STK32A: variants seen among roughly 807,000 people sequenced by gnomAD.
STK32A encodes serine/threonine kinase 32A, also known as serine/threonine-protein kinase 32A.
In STK32A, 41 loss-of-function variants were observed where a neutral mutation model predicts 53.2. That is an observed-to-expected ratio of 0.77 (90% CI 0.60 to 1.00). The LOEUF (loss-of-function observed/expected upper bound fraction) is 1.00, where lower values mean the gene tolerates loss of function less well. Among genes scored for constraint, STK32A ranks in the 50% least tolerant of loss-of-function variants. The pLI is 0.00. For missense variants in STK32A, 458 were observed against 485.8 expected, an observed-to-expected ratio of 0.94 and a Z score of 0.54; for synonymous variants, 166 against 162.8, an observed-to-expected ratio of 1.02 and a Z score of -0.15.
intron 6 of STK32A, chr5:147,343,347 A>G (rs1755532767): frequency 2.0e-6 from 1 of 505,268 alleles, no homozygotes; most frequent in Non-Finnish European, 3.7e-6. Context: ...TGGCCTTAAT[A>G]TAACACGCAA....
Position 147,239,527 on chromosome 5 carries a change from T to C in STK32A, c.-96-12T>C, listed in dbSNP as rs1753473888. ...GCATATTATTAGGGTACTATTTCTT[T>C]TCCTATCCTAGATATCCAACTAAGG... On this transcript the variant is annotated splice_polypyrimidine_tract_variant and intron_variant, in intron 1 of 12. Transcript: ENST00000397936. 3.1e-5 allele frequency: 25 copies of C among 813,874 alleles called. No homozygotes were observed. The South Asian group carries it at 3.8e-4, about 12-fold the overall frequency. The allele number at this position is 813,874 out of a possible 1,614,324, so 50.4% of individuals were successfully genotyped here.
In STK32A at chr5:147,321,554, C is replaced by T. The variant is rs184541616; in HGVS notation, c.261-2344C>T. 5.3e-5 allele frequency among the ~76,000 whole-genome samples: 8 copies of T among 152,252 alleles called. No individual in the cohort carries two copies. The East Asian group carries it at 1.4e-3, about 26-fold the overall frequency. ...CCTCTTCTGTCTTTGATTAATAATC[C>T]CCTGCACATTCGAACACTGTTATTA... On this transcript the variant is annotated intron_variant, in intron 4 of 12. Coordinates refer to ENST00000397936, the MANE Select transcript of STK32A (RefSeq NM_001112724.2).
intron 4 of STK32A, among the ~76,000 whole-genome samples, chr5:147,281,944 G>A (rs1752083227): frequency 1.3e-5 from 2 of 152,126 alleles, no homozygotes; most frequent in African/African-American, 2.4e-5. Context: ...AGGGATTGGA[G>A]CCCTATCTCT....
At chr5:147,320,030 T>C (rs910552821) in intron 4 of STK32A, among the ~76,000 whole-genome samples, 3 of 144,978 alleles carry the variant, frequency 2.1e-5, no homozygotes, top group African/African-American at 5.1e-5. Context: ...AGACACAGTA[T>C]ATTCATAAAA....
intron 2 of STK32A, among the ~76,000 whole-genome samples, chr5:147,252,941 T>C (rs1342817628): frequency 6.6e-6 from 1 of 152,206 alleles, no homozygotes; most frequent in Non-Finnish European, 1.5e-5. Context: ...GATCTATTTT[T>C]AATCTGTGTA....
chr5:147,292,694 C>T (rs374124299), intron 4 of STK32A, among the ~76,000 whole-genome samples: 309 of 152,094 alleles, frequency 2.0e-3, no homozygotes, highest in African/African-American at 7.0e-3. Flanking sequence ...CATGGAGAAA[C>T]CCTCTAAAAA....
intron 8 of STK32A, among the ~76,000 whole-genome samples, chr5:147,367,254 T>C (rs534010966): frequency 6.6e-6 from 1 of 152,010 alleles, no homozygotes; most frequent in Non-Finnish European, 1.5e-5. Context: ...TTTGTAGAGT[T>C]GGGGTCTTAC....
chr5:147,376,829 A>T (rs57293424), intron 11 of STK32A, among the ~76,000 whole-genome samples: 3,109 of 152,114 alleles, frequency 0.02, 112 homozygotes, highest in African/African-American at 0.071. Flanking sequence ...GAATTATAGG[A>T]TGTTTTTTAC....
intron 2 of STK32A, among the ~76,000 whole-genome samples, chr5:147,271,888 G>T (rs1002302107): frequency 3.9e-5 from 6 of 152,120 alleles, no homozygotes; most frequent in African/African-American, 1.4e-4. Context: ...CTGTGATCTT[G>T]CCCTGCCTCC....
chr5:147,283,469 A>C lies in STK32A; in HGVS notation c.260+4071A>C, dbSNP rs528023594. The stretch of plus-strand genomic sequence containing the variant: ...CAAAGCAGAACTAAATGAAATTGAA[A>C]CAAAAAAAAAAAAAGAAAGATAAAT... On this transcript the variant is annotated intron_variant, in intron 4 of 12. Coordinates refer to ENST00000397936, the MANE Select transcript of STK32A (RefSeq NM_001112724.2). Among the ~76,000 whole-genome samples the C allele has an allele frequency of 8.2e-4, 64 of 78,002 alleles. 2 individuals carry two copies. The East Asian group carries it at 0.017, about 21-fold the overall frequency. 51.2% of individuals were successfully genotyped at this position (78,002 alleles called of 152,430 possible).
the STK32A span, among the ~76,000 whole-genome samples, chr5:147,396,760 A>G: frequency 3.9e-5 from 6 of 152,108 alleles, no homozygotes; most frequent in South Asian, 1.0e-3. Flanking sequence ...CTCCTTCTCT[A>G]TTAGGCCCAA....
chr5:147,330,490 C>CA (rs1444385383), intron 5 of STK32A, among the ~76,000 whole-genome samples: 1 of 152,200 alleles, frequency 6.6e-6, no homozygotes, highest in Non-Finnish European at 1.5e-5. Flanking sequence ...AGGGTGTGAA[C>CA]ACCAAAAGCT....
chr5:147,370,092 C>T (rs1756941624), intron 8 of STK32A, among the ~76,000 whole-genome samples: 1 of 152,012 alleles, frequency 6.6e-6, no homozygotes, highest in Non-Finnish European at 1.5e-5. Context: ...AAGCTTCTGC[C>T]TCATCACAAA....
chr5:147,363,007 G>A (rs1457832236), intron 8 of STK32A, among the ~76,000 whole-genome samples: 1 of 151,878 alleles, frequency 6.6e-6, no homozygotes, highest in Non-Finnish European at 1.5e-5. Context: ...AATCACTTGA[G>A]CCCAGGAGGT....
At chr5:147,401,830 T>C in the STK32A span, 1 of 1,019,246 alleles carries the variant, frequency 9.8e-7, no homozygotes, top group Non-Finnish European at 1.4e-6. Context: ...CAAGTCCATG[T>C]TCCCACCTTT....
chr5:147,259,047 T>G (rs1037005681), intron 2 of STK32A, among the ~76,000 whole-genome samples: 2 of 152,152 alleles, frequency 1.3e-5, no homozygotes, highest in African/African-American at 4.8e-5. Flanking sequence ...CCTTATCACT[T>G]CCTGAATACT....
chr5:147,374,392 G>A (rs560499586), intron 10 of STK32A, among the ~76,000 whole-genome samples: 3 of 152,230 alleles, frequency 2.0e-5, no homozygotes, highest in African/African-American at 7.2e-5. Context: ...TCCAATGAGA[G>A]GGTAAGGAGA....
intron 2 of STK32A, among the ~76,000 whole-genome samples, chr5:147,257,576 C>T (rs1283130731): frequency 6.6e-6 from 1 of 152,090 alleles, no homozygotes; most frequent in Admixed American, 6.5e-5. Context: ...GGGCTTTCCC[C>T]TGGGGCTGTG....
At chr5:147,256,682 T>C (rs1357889621) in intron 2 of STK32A, among the ~76,000 whole-genome samples, 4 of 152,120 alleles carry the variant, frequency 2.6e-5, no homozygotes, top group Non-Finnish European at 4.4e-5. Context: ...TGGCTAAGTT[T>C]GTATTTTTAG....
Sources: gnomAD v4.1 joint callset for allele counts (sites outside exome capture counted in the v4.1 genomes callset) on GRCh38, gnomAD v4.1.1 for gene constraint, MANE v1.5 for transcripts, NCBI Gene and HGNC (gene_info 2026-07-23, HGNC 2026-07-21) for gene names.